The following ACAT1 variants were observed in gnomAD, a reference collection of about 807,000 sequenced individuals.
The protein encoded by ACAT1 is acetyl-CoA acetyltransferase 1, also known as acetyl-CoA acetyltransferase, mitochondrial.
Under a neutral mutation model 47.3 loss-of-function variants are expected in ACAT1, and 28 were observed. The ratio of observed to expected loss-of-function variants is 0.59; its 90% CI spans 0.44 to 0.81. ACAT1 has a LOEUF of 0.81. Among genes scored for constraint, ACAT1 ranks in the 30% least tolerant of loss-of-function variants. The pLI is 0.00. For synonymous variants in ACAT1, 181 were observed against 173.6 expected, an observed-to-expected ratio of 1.04 and a Z score of -0.34; for missense variants, 469 against 524.3, an observed-to-expected ratio of 0.89 and a Z score of 1.03.
intron 11 of ACAT1, 50 bp from the exon 12 acceptor site, chr11:108,147,220 G>C: frequency 6.2e-7 from 1 of 1,605,276 alleles, no homozygotes; most frequent in Non-Finnish European, 8.5e-7. Flanking sequence ...ATTTTGGTTA[G>C]TCATAAATTC....
intron 2 of ACAT1, among the ~76,000 whole-genome samples, chr11:108,132,421 G>A (rs2077378479): frequency 6.6e-6 from 1 of 152,164 alleles, no homozygotes; most frequent in African/African-American, 2.4e-5. Context: ...CAACCATTCT[G>A]TTATTTATCT....
In ACAT1 at chr11:108,141,703, T is replaced by C. The variant is rs748649526; in HGVS notation, c.826+3T>C. 6.2e-7 allele frequency: 1 copy of C among 1,606,240 alleles called. No individual in the cohort carries two copies. Among genetic ancestry groups the C allele is most frequent in the Admixed American group, 1.7e-5 (1 of 59,966 alleles). On this transcript the variant is annotated splice_donor_region_variant and intron_variant, in intron 8 of 11. Transcript: ENST00000265838. ...GACAGTTTTCCAGAAAGAAAATGGTTAGTGTTAAGAAATGAAGCATAAGAA... is the reference window on the plus strand; with the variant it reads ...GACAGTTTTCCAGAAAGAAAATGGTCAGTGTTAAGAAATGAAGCATAAGAA...
chr11:108,133,973 A>G, intron 3 of ACAT1, 36 bp downstream of exon 3: 2 of 1,544,142 alleles, frequency 1.3e-6, no homozygotes, highest in Non-Finnish European at 1.8e-6. Flanking sequence ...TTAAGGGAGC[A>G]AAAAGATTCC....
At chr11:108,117,228 C>G (rs905596201), upstream of ACAT1, among the ~76,000 whole-genome samples, 1 of 151,722 alleles carries the variant, frequency 6.6e-6, no homozygotes, top group African/African-American at 2.4e-5. Flanking sequence ...AGGAGGATTA[C>G]TTGAGCTTAG....
intron 5 of ACAT1, among the ~76,000 whole-genome samples, chr11:108,135,490 G>C (rs2077451592): frequency 6.6e-6 from 1 of 151,526 alleles, no homozygotes; most frequent in Non-Finnish European, 1.5e-5. Flanking sequence ...AGGAGTTTGA[G>C]ACCAGCGTAG....
intron 5 of ACAT1, 84 bp downstream of exon 5, chr11:108,135,326 T>G: frequency 1.0e-6 from 1 of 957,924 alleles, no homozygotes; most frequent in Non-Finnish European, 1.7e-6. Flanking sequence ...ATTCATATTT[T>G]AGAAATGAGA....
At chr11:108,117,713 A>C (rs990245269), upstream of ACAT1, among the ~76,000 whole-genome samples, 4 of 152,224 alleles carry the variant, frequency 2.6e-5, no homozygotes, top group African/African-American at 9.6e-5. Context: ...TGTTCGTTGT[A>C]GAAGAACTTA....
chr11:108,119,176 A>G (rs2077108907), upstream of ACAT1, among the ~76,000 whole-genome samples: 1 of 152,002 alleles, frequency 6.6e-6, no homozygotes. Context: ...ATTAAGAACT[A>G]TGTACATAGC....
At position 108,136,141 on chromosome 11, in the gene ACAT1, G is replaced by A. The variant is rs76975020; in HGVS notation, c.435+899G>A. ...GGAGGTGAGACCTGGACACACAGAA[G>A]AATCAAGATTCTCTCAGATCTGAGC... is the stretch of plus-strand genomic sequence containing the variant. On this transcript the variant is annotated intron_variant, in intron 5 of 11. Transcript: ENST00000265838. 3.2e-3 allele frequency: 2,096 copies of A among 657,430 alleles called. 40 individuals are homozygous for A. The African/African-American group carries it at 0.034, about 11-fold the overall frequency. 40.7% of individuals were successfully genotyped at this position (657,430 alleles called of 1,614,324 possible). A position where few individuals can be genotyped will look rare whatever the true frequency, so the allele number is the denominator to read the frequency against.
At chr11:108,140,495 TAGA>T (rs901470546) in intron 7 of ACAT1, among the ~76,000 whole-genome samples, 4 of 152,222 alleles carry the variant, frequency 2.6e-5, no homozygotes, top group Admixed American at 6.5e-5. Flanking sequence ...AGGGATTTAC[TAGA>T]AGGTTACCGG....
intron 4 of ACAT1, among the ~76,000 whole-genome samples, chr11:108,134,681 C>CA (rs2077430671): frequency 6.9e-6 from 1 of 144,200 alleles, no homozygotes; most frequent in Non-Finnish European, 1.5e-5. Context: ...CATGGTAGCT[C>CA]ACGCCTGTAA....
chr11:108,136,126 C>T (rs1158849818), intron 5 of ACAT1: 1 of 678,732 alleles, frequency 1.5e-6, no homozygotes. Flanking sequence ...GGAGGTGAGA[C>T]CTGGACACAC....
At chr11:108,142,798 C>G (rs535711804) in intron 9 of ACAT1, 5 of 477,056 alleles carry the variant, frequency 1.0e-5, no homozygotes, top group African/African-American at 7.8e-5. Flanking sequence ...GATTGTACCA[C>G]TGCACTCCAG....
intron 1 of ACAT1, among the ~76,000 whole-genome samples, chr11:108,125,313 C>T (rs773323248): frequency 3.3e-5 from 5 of 152,264 alleles, no homozygotes; most frequent in Non-Finnish European, 5.9e-5. Context: ...GTTCATTCAG[C>T]ATGTATTATT....
Position 108,147,538 on chromosome 11 carries a change from A to C in ACAT1, c.*148A>C. 1 of 1,055,392 alleles carries C rather than the reference A, an allele frequency of 9.5e-7. No individual in the cohort carries two copies. The highest frequency in any genetic ancestry group is 2.4e-4 in the Middle Eastern group (1 of 4,142). The allele number at this position is 1,055,392 out of a possible 1,614,324, so 65.4% of individuals were successfully genotyped here. A position where few individuals can be genotyped will look rare whatever the true frequency, so the allele number is the denominator to read the frequency against. The stretch of plus-strand genomic sequence containing the variant: ...AACTTTTAAAAATCAAAATGATGAA[A>C]TCCCAAAACATTTTGAAATTAAAAA... On this transcript the variant is annotated 3_prime_UTR_variant, in exon 12 of 12. Coordinates refer to ENST00000265838, the MANE Select transcript of ACAT1 (RefSeq NM_000019.4).
Position 108,134,722 on chromosome 11 carries a change from G to A in ACAT1, c.334+406G>A, listed in dbSNP as rs187858642. On this transcript the variant is annotated intron_variant, in intron 4 of 11. Transcript: ENST00000265838. The stretch of plus-strand genomic sequence containing the variant: ...GCACTTTGGGAGGCCGAGGCGGGTG[G>A]ATCACGAGGTCAGGAGATTGAGACC... 3.4e-3 allele frequency among the ~76,000 whole-genome samples: 520 copies of A among 150,756 alleles called. 1 individual carries two copies. Among genetic ancestry groups the A allele is most frequent in the Non-Finnish European group, 5.9e-3 (401 of 67,734 alleles).
chr11:108,136,881 A>G (rs1183919790), intron 5 of ACAT1: 1 of 152,228 alleles, frequency 6.6e-6, no homozygotes, highest in Admixed American at 6.5e-5. Flanking sequence ...AGACTGTAAG[A>G]AGATATTATT....
chr11:108,126,150 C>G (rs1157444583), intron 1 of ACAT1, among the ~76,000 whole-genome samples: 9 of 151,920 alleles, frequency 5.9e-5, no homozygotes. Flanking sequence ...CTACAGGTGC[C>G]CACCCCCACA....
intron 5 of ACAT1, among the ~76,000 whole-genome samples, chr11:108,138,000 T>C (rs995083059): frequency 6.6e-6 from 1 of 152,098 alleles, no homozygotes; most frequent in Non-Finnish European, 1.5e-5. Flanking sequence ...CTGGTATTTT[T>C]TTTTTAAAGA....
Sources: gnomAD v4.1 joint callset for allele counts (sites outside exome capture counted in the v4.1 genomes callset) on GRCh38, gnomAD v4.1.1 for gene constraint, MANE v1.5 for transcripts, NCBI Gene and HGNC (gene_info 2026-07-23, HGNC 2026-07-21) for gene names.